RORC: variants seen among roughly 807,000 people sequenced by gnomAD.
RORC encodes the protein nuclear receptor ROR-gamma.
RORC carries 13 observed loss-of-function variants against 64.5 expected under a neutral mutation model. The ratio of observed to expected loss-of-function variants is 0.20; its 90% CI spans 0.13 to 0.32. The LOEUF (loss-of-function observed/expected upper bound fraction) is 0.32. Among genes scored for constraint, RORC ranks in the 10% least tolerant of loss-of-function variants. The pLI, the probability that RORC is intolerant of heterozygous loss-of-function variation, is 1.00. For missense variants in RORC, 468 were observed against 669.5 expected (o/e 0.70, Z 3.32); for synonymous variants, 277 against 259.3 (o/e 1.07, Z -0.65).
chr1:151,816,744 C>A lies in RORC; in HGVS notation c.218G>T (p.Cys73Phe). ...GTTTCGGCTGGTGCGGTCGATGGGG[C>A]AGTTCTGCTGACGGGTGCAGGAGTA... is the stretch of plus-strand genomic sequence containing the variant. Reference protein sequence around the residue: ...AAYSCTRQQNCPIDRTSRNRC... With the variant: ...AAYSCTRQQNFPIDRTSRNRC... The change falls in exon 4 of 11, where the codon TGC (cysteine) becomes TTC (phenylalanine). Residue 73 changes from cysteine to phenylalanine, a missense_variant. Physicochemically the swap from Cys to Phe is radical, Grantham distance 205. Transcript: ENST00000318247. The A allele has an allele frequency of 6.3e-7, 1 of 1,596,892 alleles. No homozygotes were observed. Among genetic ancestry groups the A allele is most frequent in the Non-Finnish European group, 8.5e-7 (1 of 1,171,110 alleles).
At chr1:151,826,538 G>C (rs966313128) in intron 2 of RORC, among the ~76,000 whole-genome samples, 1 of 152,206 alleles carries the variant, frequency 6.6e-6, no homozygotes, top group Non-Finnish European at 1.5e-5. Flanking sequence ...TGCAGCCTGG[G>C]GGGCTGTCCC....
chr1:151,813,368 T>G, intron 7 of RORC, 22 bp from the exon 8 acceptor site: 6 of 1,611,990 alleles, frequency 3.7e-6, no homozygotes, highest in Non-Finnish European at 5.1e-6. Context: ...GGAGAGAAGA[T>G]GCAGGGACAG....
At chr1:151,820,779 C>G (rs574207908) in intron 2 of RORC, among the ~76,000 whole-genome samples, 1 of 152,336 alleles carries the variant, frequency 6.6e-6, no homozygotes, top group South Asian at 2.1e-4. Context: ...AGGTGGGACT[C>G]AAGATTCTGC....
At chr1:151,819,049 C>A (rs1651883221) in intron 2 of RORC, among the ~76,000 whole-genome samples, 1 of 152,144 alleles carries the variant, frequency 6.6e-6, no homozygotes, top group Non-Finnish European at 1.5e-5. Context: ...ACGTGCCTGC[C>A]CAGCAGCAAG....
intron 2 of RORC, among the ~76,000 whole-genome samples, chr1:151,821,106 A>C (rs1028051602): frequency 2.0e-5 from 3 of 152,222 alleles, no homozygotes; most frequent in Admixed American, 2.0e-4. Flanking sequence ...AAAGTCCTCC[A>C]TCCTCCTCTA....
At chr1:151,817,337 C>G in intron 2 of RORC, 57 bp from the exon 3 acceptor site, 1 of 1,219,006 alleles carries the variant, frequency 8.2e-7, no homozygotes, top group East Asian at 2.3e-5. Context: ...ATTCAACCAC[C>G]ATGTACCTGG....
chr1:151,815,444 C>A lies in RORC; in HGVS notation c.299-19G>T. 1 of 1,518,108 alleles carries A rather than the reference C, an allele frequency of 6.6e-7. No homozygotes were observed. The highest frequency in any genetic ancestry group is 8.8e-7 in the Non-Finnish European group (1 of 1,133,090). The allele number at this position is 1,518,108 out of a possible 1,614,324, so 94.0% of individuals were successfully genotyped here. A position where few individuals can be genotyped will look rare whatever the true frequency, so the allele number is the denominator to read the frequency against. Reference sequence around the variant, plus strand: ...TTGACAGCTGAAAGAGGTCCAGGGACCAGGGGTTTATGAGGCAGGAGAACA... The same window carrying A: ...TTGACAGCTGAAAGAGGTCCAGGGAACAGGGGTTTATGAGGCAGGAGAACA... On this transcript the variant is annotated intron_variant, in intron 4 of 10. Coordinates refer to ENST00000318247, the MANE Select transcript of RORC (RefSeq NM_005060.4).
rs199979672 is a variant in RORC at position 151,812,956 on chromosome 1, T to C, written c.1276A>G (p.Ile426Val). 2 of 1,610,520 alleles carry C rather than the reference T, an allele frequency of 1.2e-6. No individual in the cohort carries two copies. Among genetic ancestry groups the C allele is most frequent in the Non-Finnish European group, 1.7e-6 (2 of 1,176,808 alleles). Residue 426 changes from isoleucine (I) to valine (V), a missense_variant, in exon 9 of 11, where the codon ATC becomes GTC. Physicochemically the swap from Ile to Val is conservative, Grantham distance 29. Around this residue, in one of 5 missense-constraint regions of RORC, gnomAD observed 93 missense variants for 116.6 expected, o/e 0.80. Transcript: ENST00000318247. ...EIALYTALVL[I>V]NAHRPGLQEK... ...GCCCAGCAACACTCACGGGCATTGATGAGAACAAGGGCTGTGTAGAGGGCA... is the reference window on the plus strand; with the variant it reads ...GCCCAGCAACACTCACGGGCATTGACGAGAACAAGGGCTGTGTAGAGGGCA...
At position 151,815,110 on chromosome 1, in the gene RORC, C is replaced by G. The variant is rs761285499; in HGVS notation, c.614G>C (p.Ser205Thr). The G allele has an allele frequency of 1.2e-6, 2 of 1,614,216 alleles. No individual in the cohort carries two copies. Among genetic ancestry groups the G allele is most frequent in the Non-Finnish European group, 1.7e-6 (2 of 1,180,030 alleles). ...LNGASCHLEY[S>T]PERGKAEGRE... ...GCCCTCAGCCTTGCCCCGCTCAGGG[C>G]TGTATTCAAGGTGGCATGAGGCCCC... Residue 205 changes from serine (S) to threonine (T), a missense_variant, in exon 5 of 11, where the codon AGC becomes ACC. This residue lies in a region of RORC where 241 missense variants were observed against 295.5 expected (regional missense o/e 0.82). Coordinates refer to ENST00000318247, the MANE Select transcript of RORC (RefSeq NM_005060.4).
At chr1:151,822,411 A>C (rs1652028536) in intron 2 of RORC, among the ~76,000 whole-genome samples, 1 of 152,136 alleles carries the variant, frequency 6.6e-6, no homozygotes, top group Non-Finnish European at 1.5e-5. Context: ...CTGCTGAAAC[A>C]CCCAGATCCT....
chr1:151,821,888 C>T (rs1318539903), intron 2 of RORC, among the ~76,000 whole-genome samples: 1 of 152,106 alleles, frequency 6.6e-6, no homozygotes, highest in Non-Finnish European at 1.5e-5. Flanking sequence ...GATATTATTC[C>T]CTCTGTCCCA....
rs762818510 is a variant in RORC, at chr1:151,829,417, C to T, written c.70+12G>A. 26 of 1,537,262 alleles carry T rather than the reference C, an allele frequency of 1.7e-5. 1 individual carries two copies. In the South Asian group the frequency reaches 3.3e-4, roughly 19 times the overall value. On this transcript the variant is annotated intron_variant, in intron 2 of 10. Coordinates refer to ENST00000318247, the MANE Select transcript of RORC (RefSeq NM_005060.4). ...GCCCCAGCCATTTTCTTGCCCCGGA[C>T]CCCCTACTCACAGGTGTGGGTCTTC...
rs1377785116 is a variant in RORC at position 151,806,173 on chromosome 1, C to T, written c.*1299G>A. 6.5e-6 allele frequency: 1 copy of T among 153,076 alleles called. No homozygotes were observed. The highest frequency in any genetic ancestry group is 6.5e-5 in the Admixed American group (1 of 15,284). The allele number at this position is 153,076 out of a possible 1,614,324, so 9.5% of individuals were successfully genotyped here. The stretch of plus-strand genomic sequence containing the variant: ...GACACAATCCCACCCCCAACCCCCC[C>T]AACTCCACGACTGCCCATCATTGCT... On this transcript the variant is annotated 3_prime_UTR_variant, in exon 11 of 11. Transcript: ENST00000318247.
intron 5 of RORC, 106 bp from the exon 6 acceptor site, chr1:151,814,801 G>A (rs930909427): frequency 1.4e-5 from 22 of 1,539,310 alleles, no homozygotes; most frequent in East Asian, 6.9e-5. Flanking sequence ...TCCTCCCTCC[G>A]CCCCTCGTCT....
chr1:151,831,349 T>C (rs1652411604), intron 1 of RORC, among the ~76,000 whole-genome samples: 2 of 152,242 alleles, frequency 1.3e-5, no homozygotes, highest in South Asian at 2.1e-4. Flanking sequence ...AAGGAAGCAG[T>C]GTCCCTGTGC....
At chr1:151,814,763 T>G in intron 5 of RORC, 68 bp from the exon 6 acceptor site, 1 of 1,568,932 alleles carries the variant, frequency 6.4e-7, no homozygotes, top group Non-Finnish European at 8.7e-7. Flanking sequence ...GCAAGGGCAC[T>G]TCTCAGCCTG....
At chr1:151,831,630 C>T in intron 1 of RORC, 95 bp downstream of exon 1, 3 of 1,604,858 alleles carry the variant, frequency 1.9e-6, no homozygotes, top group East Asian at 2.2e-5. Context: ...CCCTCCCTCC[C>T]CTCCTCACTT....
intron 2 of RORC, among the ~76,000 whole-genome samples, chr1:151,819,084 G>A (rs932677642): frequency 6.6e-6 from 1 of 152,182 alleles, no homozygotes; most frequent in African/African-American, 2.4e-5. Flanking sequence ...ACTGTAAGCT[G>A]TGGTCCCCCC....
At chr1:151,831,112 T>A in intron 1 of RORC, 1 of 1,287,316 alleles carries the variant, frequency 7.8e-7, no homozygotes, top group Non-Finnish European at 1.0e-6. Flanking sequence ...TCCCTGCTGA[T>A]GGCCCAGTGC....
Sources: allele counts gnomAD v4.1 joint callset (sites outside exome capture counted in the v4.1 genomes callset), GRCh38; gene constraint gnomAD v4.1.1; regional missense constraint gnomAD v4.1.1; transcripts MANE v1.5; gene names NCBI Gene and HGNC (gene_info 2026-07-23, HGNC 2026-07-21).